The following ZNF397 variants were observed in gnomAD, a reference collection of about 807,000 sequenced individuals.
The protein encoded by ZNF397 is zinc finger and SCAN domain-containing protein 15.
A neutral mutation model predicts 50.6 loss-of-function variants in ZNF397; 38 were observed. The observed-to-expected ratio is 0.75, with a 90% CI of 0.58 to 0.98. The LOEUF (loss-of-function observed/expected upper bound fraction) is 0.98. ZNF397 is among the 50% of genes least tolerant of loss of function. ZNF397 has a pLI of 0.00. For missense variants in ZNF397, 624 were observed against 624.1 expected (o/e 1.00, Z 0.00); for synonymous variants, 228 against 215.2 (o/e 1.06, Z -0.52).
chr18:35,258,043 A>G, exon 6 of ZNF397: 1 of 777,678 alleles, frequency 1.3e-6, no homozygotes, highest in Non-Finnish European at 2.4e-6. Flanking sequence ...GAAACTTATA[A>G]CTCAAGGTTG....
At chr18:35,252,981 T>G (rs996775248), downstream of ZNF397, 1 of 154,732 alleles carries the variant, frequency 6.5e-6, no homozygotes, top group Non-Finnish European at 1.4e-5. Context: ...TAATTCAATA[T>G]TTTCACAACC....
Position 35,246,608 on chromosome 18 carries a change from C to A in ZNF397, c.*298C>A. The A allele has an allele frequency of 8.9e-7, 1 of 1,125,278 alleles. No homozygotes were observed. The highest frequency in any genetic ancestry group is 1.1e-6 in the Non-Finnish European group (1 of 918,340). 69.7% of individuals were successfully genotyped at this position (1,125,278 alleles called of 1,614,324 possible). Reference sequence around the variant, plus strand: ...GAAACCTCATTTTGTATGAAAGTGTCATGAATATAGCAACCCAGGCTCTGT... The same window carrying A: ...GAAACCTCATTTTGTATGAAAGTGTAATGAATATAGCAACCCAGGCTCTGT... On this transcript the variant is annotated 3_prime_UTR_variant, in exon 4 of 4. Coordinates refer to ENST00000330501, the MANE Select transcript of ZNF397 (RefSeq NM_001135178.3).
In ZNF397 at chr18:35,242,679, G is replaced by A. The variant is rs151211498; in HGVS notation, c.209G>A (p.Arg70Gln). The change falls in exon 2 of 4, where the codon CGA becomes CAA. Residue 70 changes from arginine (R) to glutamine (Q), a missense_variant. Coordinates refer to ENST00000330501, the MANE Select transcript of ZNF397 (RefSeq NM_001135178.3). Reference sequence around the variant, plus strand: ...CCTGGGCCCCGGGAGGCTCTGAGCCGACTCCAGGAACTTTGCTATCAGTGG... The same window carrying A: ...CCTGGGCCCCGGGAGGCTCTGAGCCAACTCCAGGAACTTTGCTATCAGTGG... Reference protein sequence around the residue: ...ETPGPREALSRLQELCYQWLM... With the variant: ...ETPGPREALSQLQELCYQWLM... 1,048 of 1,614,206 alleles carry A rather than the reference G, an allele frequency of 6.5e-4. 2 individuals carry two copies. The highest frequency in any genetic ancestry group is 8.2e-4 in the Non-Finnish European group (964 of 1,180,044).
In ZNF397 at chr18:35,246,766, G is replaced by T; in HGVS notation, c.*456G>T. ...AGTGACAGAGCAGCAGGAAAGGTGG[G>T]GAAATGGCTTCATCAATGATTTGTT... On this transcript the variant is annotated 3_prime_UTR_variant, in exon 4 of 4. Transcript: ENST00000330501. The T allele has an allele frequency of 2.0e-6, 2 of 987,716 alleles. No homozygotes were observed. The highest frequency in any genetic ancestry group is 2.4e-6 in the Non-Finnish European group (2 of 831,708). The allele number at this position is 987,716 out of a possible 1,614,324, so 61.2% of individuals were successfully genotyped here.
Position 35,242,728 on chromosome 18 carries a change from G to A in ZNF397, c.258G>A (p.Lys86=). ...YQWLMPELHT[K]EQILELLVLE... ...GGCTAATGCCAGAGTTGCACACAAA[G>A]GAGCAGATCTTAGAACTGCTGGTAC... Residue 86 remains lysine, a synonymous_variant, in exon 2 of 4, where the codon AAG becomes AAA. Transcript: ENST00000330501. The A allele has an allele frequency of 6.2e-7, 1 of 1,614,224 alleles. No homozygotes were observed. The highest frequency in any genetic ancestry group is 1.3e-5 in the African/African-American group (1 of 75,066).
At chr18:35,254,049 T>A (rs776410333), downstream of ZNF397, 3 of 1,614,164 alleles carry the variant, frequency 1.9e-6, 1 homozygote, top group South Asian at 3.3e-5. Context: ...TTTTCCCTAG[T>A]GTCAACGCTC....
rs1569044978 is a variant in ZNF397 at position 35,246,068 on chromosome 18, TGTA to T, written c.1366_1368del (p.Ser456del). Reference sequence around the variant, plus strand: ...ACATAGTGGAGAGAAACCCTATGAATGTAGTGAATGTGGAAAAGCTTTCAGTTT... The same window carrying T: ...ACATAGTGGAGAGAAACCCTATGAATGTGAATGTGGAAAAGCTTTCAGTTT... On this transcript the variant is annotated inframe_deletion, in exon 4 of 4. Coordinates refer to ENST00000330501, the MANE Select transcript of ZNF397 (RefSeq NM_001135178.3). 1 of 1,559,516 alleles carries T rather than the reference TGTA, an allele frequency of 6.4e-7. No homozygotes were observed. Among genetic ancestry groups the T allele is most frequent in the Non-Finnish European group, 8.7e-7 (1 of 1,151,722 alleles).
chr18:35,246,374 GTTTAC>G lies in ZNF397; in HGVS notation c.*68_*72del. ...ATTTTTAAGTTTGTTAGTCAAAAGAGTTTACTTTGGAGCAAAACTCCATAAAGGTT... is the reference window on the plus strand; with the variant it reads ...ATTTTTAAGTTTGTTAGTCAAAAGAGTTTGGAGCAAAACTCCATAAAGGTT... On this transcript the variant is annotated 3_prime_UTR_variant, in exon 4 of 4. Coordinates refer to ENST00000330501, the MANE Select transcript of ZNF397 (RefSeq NM_001135178.3). 2 of 1,466,028 alleles carry G rather than the reference GTTTAC, an allele frequency of 1.4e-6. No individual in the cohort carries two copies. Among genetic ancestry groups the G allele is most frequent in the South Asian group, 2.9e-5 (2 of 67,870 alleles). The allele number at this position is 1,466,028 out of a possible 1,614,324, so 90.8% of individuals were successfully genotyped here.
At position 35,249,714 on chromosome 18, in the gene ZNF397, GAT is replaced by G. The variant is rs1231681874; in HGVS notation, c.*3409_*3410del. On this transcript the variant is annotated 3_prime_UTR_variant, in exon 4 of 4. Coordinates refer to ENST00000330501, the MANE Select transcript of ZNF397 (RefSeq NM_001135178.3). ...AATTAATATTAAATGAAGTATTCAT[GAT>G]ATATTGTTAAGTAAAAATATTACAA... 1 of 143,434 alleles carries G rather than the reference GAT, an allele frequency of 7.0e-6. No homozygotes were observed. Among genetic ancestry groups the G allele is most frequent in the Admixed American group, 7.0e-5 (1 of 14,336 alleles). The allele number at this position is 143,434 out of a possible 1,614,324, so 8.9% of individuals were successfully genotyped here.
Position 35,242,507 on chromosome 18 carries a change from C to G in ZNF397, c.37C>G (p.Pro13Ala). The change falls in exon 2 of 4, where the codon CCT (proline) becomes GCT (alanine). Residue 13 changes from proline (P) to alanine (A), a missense_variant. Physicochemically the swap from Pro to Ala is conservative, Grantham distance 27 (BLOSUM62 -1). Coordinates refer to ENST00000330501, the MANE Select transcript of ZNF397 (RefSeq NM_001135178.3). ...VESGVISTLI[P>A]QDPPEQELIL... Reference sequence around the variant, plus strand: ...ATCTGGAGTGATTTCAACCCTGATACCTCAGGATCCTCCGGAACAAGAACT... The same window carrying G: ...ATCTGGAGTGATTTCAACCCTGATAGCTCAGGATCCTCCGGAACAAGAACT... The G allele has an allele frequency of 6.2e-7, 1 of 1,614,040 alleles. No individual in the cohort carries two copies. Among genetic ancestry groups the G allele is most frequent in the South Asian group, 1.1e-5 (1 of 91,080 alleles).
chr18:35,254,410 T>C, downstream of ZNF397: 1 of 1,613,786 alleles, frequency 6.2e-7, no homozygotes, highest in Non-Finnish European at 8.5e-7. Context: ...AGTGTAAGTA[T>C]CATTTACTTC....
In ZNF397 at chr18:35,248,570, G is replaced by A. The variant is rs1036776365; in HGVS notation, c.*2260G>A. ...CAATGTAATAGATAGACCAAGCACA[G>A]TGGCTCACACCTATAATGCCAGCAC... is the stretch of plus-strand genomic sequence containing the variant. On this transcript the variant is annotated 3_prime_UTR_variant, in exon 4 of 4. Transcript: ENST00000330501. 1 of 152,218 alleles carries A rather than the reference G, an allele frequency of 6.6e-6. No homozygotes were observed. The highest frequency in any genetic ancestry group is 2.4e-5 in the African/African-American group (1 of 41,442). The allele number at this position is 152,218 out of a possible 1,614,324, so 9.4% of individuals were successfully genotyped here. A position where few individuals can be genotyped will look rare whatever the true frequency, so the allele number is the denominator to read the frequency against.
At position 35,248,283 on chromosome 18, in the gene ZNF397, G is replaced by A. The variant is rs896137914; in HGVS notation, c.*1973G>A. 6 of 152,148 alleles carry A rather than the reference G, an allele frequency of 3.9e-5. No homozygotes were observed. Among genetic ancestry groups the A allele is most frequent in the African/African-American group, 4.8e-5 (2 of 41,428 alleles). The allele number at this position is 152,148 out of a possible 1,614,324, so 9.4% of individuals were successfully genotyped here. A position where few individuals can be genotyped will look rare whatever the true frequency, so the allele number is the denominator to read the frequency against. On this transcript the variant is annotated 3_prime_UTR_variant, in exon 4 of 4. Coordinates refer to ENST00000330501, the MANE Select transcript of ZNF397 (RefSeq NM_001135178.3). Reference sequence around the variant, plus strand: ...AGAGAAGTAATGCTCTTATTGGGGCGTGCATCAGTGGACATGTGCTAACCA... The same window carrying A: ...AGAGAAGTAATGCTCTTATTGGGGCATGCATCAGTGGACATGTGCTAACCA...
rs2043501419 is a variant in ZNF397 at position 35,247,518 on chromosome 18, G to A, written c.*1208G>A. 1 of 152,154 alleles carries A rather than the reference G, an allele frequency of 6.6e-6. No homozygotes were observed. The highest frequency in any genetic ancestry group is 6.5e-5 in the Admixed American group (1 of 15,274). 9.4% of individuals were successfully genotyped at this position (152,154 alleles called of 1,614,324 possible). A position where few individuals can be genotyped will look rare whatever the true frequency, so the allele number is the denominator to read the frequency against. On this transcript the variant is annotated 3_prime_UTR_variant, in exon 4 of 4. Transcript: ENST00000330501. ...AAGCTGCCATATCATTTGTTTCTGGGGCTATACGCCCACAATTCCTAGTAC... is the reference window on the plus strand; with the variant it reads ...AAGCTGCCATATCATTTGTTTCTGGAGCTATACGCCCACAATTCCTAGTAC...
At chr18:35,256,070 T>G (rs141367276) in intron 5 of ZNF397, among the ~76,000 whole-genome samples, 30 of 151,980 alleles carry the variant, frequency 2.0e-4, no homozygotes, top group African/African-American at 7.0e-4. Context: ...ATGTAACTTA[T>G]GGGATTTAAA....
chr18:35,251,740 T>C (rs777074101), downstream of ZNF397: 4 of 152,182 alleles, frequency 2.6e-5, no homozygotes, highest in African/African-American at 4.8e-5. Flanking sequence ...CCTTCCACCA[T>C]GATTTAAGTT....
At position 35,242,646 on chromosome 18, in the gene ZNF397, A is replaced by G. The variant is rs752270656; in HGVS notation, c.176A>G (p.Gln59Arg). ...FRQQFRKFCY[Q>R]ETPGPREALS... ...CAGCAATTCAGAAAATTTTGCTACC[A>G]GGAGACACCTGGGCCCCGGGAGGCT... Residue 59 changes from glutamine to arginine, a missense_variant, in exon 2 of 4, where the codon CAG becomes CGG. Gln to Arg is a conservative substitution (Grantham distance 43). Coordinates refer to ENST00000330501, the MANE Select transcript of ZNF397 (RefSeq NM_001135178.3). 7 of 1,614,126 alleles carry G rather than the reference A, an allele frequency of 4.3e-6. No homozygotes were observed. The highest frequency in any genetic ancestry group is 1.6e-4 in the Middle Eastern group (1 of 6,084).
At chr18:35,258,869 C>CAAAAAAAAAAA (rs71166053), downstream of ZNF397, 8 of 30,642 alleles carry the variant, frequency 2.6e-4, 1 homozygote, top group Non-Finnish European at 3.6e-4. Context: ...GACTCCATCT[C>CAAAAAAAAAAA]AAAAAAAAAA....
At chr18:35,244,988 G>T (rs1912827844) in intron 3 of ZNF397, among the ~76,000 whole-genome samples, 1 of 152,152 alleles carries the variant, frequency 6.6e-6, no homozygotes, top group Admixed American at 6.5e-5. Flanking sequence ...TGATGAACAG[G>T]AATCAGTTGA....
Sources: gnomAD v4.1 joint callset for allele counts (sites outside exome capture counted in the v4.1 genomes callset) on GRCh38, gnomAD v4.1.1 for gene constraint, MANE v1.5 for transcripts, NCBI Gene and HGNC (gene_info 2026-07-23, HGNC 2026-07-21) for gene names.